TMPRSS11D: variants seen among roughly 807,000 people sequenced by gnomAD.
TMPRSS11D encodes the protein transmembrane serine protease 11D.
In TMPRSS11D, 32 loss-of-function variants were observed where a neutral mutation model predicts 44.4. The observed-to-expected ratio is 0.72, with a 90% CI of 0.54 to 0.97. TMPRSS11D has a LOEUF of 0.97. TMPRSS11D is among the 50% of genes least tolerant of loss of function. TMPRSS11D has a pLI of 0.00. For missense variants in TMPRSS11D, 446 were observed against 502.6 expected, an observed-to-expected ratio of 0.89 and a Z score of 1.08; for synonymous variants, 179 against 177.9, an observed-to-expected ratio of 1.01 and a Z score of -0.05.
intron 2 of TMPRSS11D, among the ~76,000 whole-genome samples, chr4:67,857,562 G>A (rs774984743): frequency 3.4e-4 from 51 of 151,642 alleles, no homozygotes; most frequent in Non-Finnish European, 5.5e-4. Context: ...ATTTGAGACC[G>A]GCCTGGGCAA....
intron 5 of TMPRSS11D, among the ~76,000 whole-genome samples, chr4:67,835,751 A>C (rs1461333065): frequency 1.3e-5 from 2 of 152,166 alleles, no homozygotes; most frequent in Non-Finnish European, 2.9e-5. Context: ...ATCTGAAAGG[A>C]ATTTTTCAGG....
intron 3 of TMPRSS11D, among the ~76,000 whole-genome samples, chr4:67,846,017 T>TATAGC (rs1271810812): frequency 5.3e-5 from 8 of 152,210 alleles, no homozygotes; most frequent in Non-Finnish European, 1.2e-4. Flanking sequence ...ACTTGATAGT[T>TATAGC]ATAGCTTTGC....
chr4:67,873,777 CA>C (rs1400432192), intron 1 of TMPRSS11D, among the ~76,000 whole-genome samples: 1 of 152,010 alleles, frequency 6.6e-6, no homozygotes, highest in African/African-American at 2.4e-5. Context: ...GTTCTAGATA[CA>C]ATTACATTAG....
intron 8 of TMPRSS11D, among the ~76,000 whole-genome samples, 167 bp downstream of exon 8, chr4:67,827,094 G>C (rs1434541341): frequency 1.3e-5 from 2 of 152,114 alleles, no homozygotes; most frequent in Non-Finnish European, 2.9e-5. Context: ...GCTTTGCTTT[G>C]CTAAGGAGAC....
chr4:67,848,828 C>T (rs947761952), intron 3 of TMPRSS11D, among the ~76,000 whole-genome samples: 15 of 152,284 alleles, frequency 9.9e-5, no homozygotes, highest in South Asian at 2.1e-4. Context: ...CCAATCATGC[C>T]GGTCTTCGAA....
Position 67,821,424 on chromosome 4 carries a change from C to T in TMPRSS11D, c.*913G>A, listed in dbSNP as rs890599627. ...TTACTTAGATTTAGCGTTTGACGAC[C>T]CTTTTACGCTCAAAAATATAACTGC... is the stretch of plus-strand genomic sequence containing the variant. On this transcript the variant is annotated 3_prime_UTR_variant, in exon 10 of 10. Coordinates refer to ENST00000283916, the MANE Select transcript of TMPRSS11D (RefSeq NM_004262.3). 2 of 152,074 alleles carry T rather than the reference C, an allele frequency of 1.3e-5. No homozygotes were observed. The highest frequency in any genetic ancestry group is 4.8e-5 in the African/African-American group (2 of 41,398). 9.4% of individuals were successfully genotyped at this position (152,074 alleles called of 1,614,324 possible). A position where few individuals can be genotyped will look rare whatever the true frequency, so the allele number is the denominator to read the frequency against.
intron 2 of TMPRSS11D, among the ~76,000 whole-genome samples, chr4:67,857,643 G>A (rs1027835754): frequency 5.9e-5 from 9 of 152,188 alleles, no homozygotes; most frequent in Admixed American, 4.6e-4. Flanking sequence ...TAACTCATAT[G>A]TGGGAGCTTA....
intron 4 of TMPRSS11D, 146 bp from the exon 5 acceptor site, chr4:67,838,475 C>T (rs757082688): frequency 3.7e-5 from 25 of 678,882 alleles, no homozygotes; most frequent in Non-Finnish European, 4.7e-5. Context: ...TGTTTGCATA[C>T]GTAATACTAT....
Position 67,836,829 on chromosome 4 carries a change from G to A in TMPRSS11D, c.475+1343C>T, listed in dbSNP as rs151112222. 3.3e-5 allele frequency among the ~76,000 whole-genome samples: 5 copies of A among 152,272 alleles called. No homozygotes were observed. In the East Asian group the frequency reaches 9.6e-4, roughly 29 times the overall value. On this transcript the variant is annotated intron_variant, in intron 5 of 9. Coordinates refer to ENST00000283916, the MANE Select transcript of TMPRSS11D (RefSeq NM_004262.3). ...TCCCTTTCTTCATTATTCTGTCAAA[G>A]CATCGCGTTCAGTACAGACTGTTTG...
intron 2 of TMPRSS11D, among the ~76,000 whole-genome samples, chr4:67,857,597 C>T (rs543218425): frequency 5.2e-4 from 78 of 151,358 alleles, no homozygotes; most frequent in Non-Finnish European, 1.0e-3. Context: ...ATCTCTACTA[C>T]TAAAAAAAGA....
chr4:67,859,424 G>C (rs1417544341), intron 2 of TMPRSS11D, 133 bp downstream of exon 2: 6 of 1,080,348 alleles, frequency 5.6e-6, no homozygotes, highest in Non-Finnish European at 7.7e-6. Flanking sequence ...ATTTGGGGAA[G>C]AATTATAAGT....
intron 3 of TMPRSS11D, among the ~76,000 whole-genome samples, chr4:67,846,870 A>G (rs1221580580): frequency 6.6e-6 from 1 of 151,850 alleles, no homozygotes; most frequent in Non-Finnish European, 1.5e-5. Context: ...ACATATTTTC[A>G]TAGTCTTCTC....
At chr4:67,845,092 A>C (rs200805796) in intron 3 of TMPRSS11D, among the ~76,000 whole-genome samples, 2 of 152,338 alleles carry the variant, frequency 1.3e-5, no homozygotes, top group African/African-American at 4.8e-5. Flanking sequence ...ACTGGACTAA[A>C]ATGTTAAGTA....
chr4:67,857,305 AT>A (rs376216399), intron 2 of TMPRSS11D, among the ~76,000 whole-genome samples: 1 of 926 alleles, frequency 1.1e-3, no homozygotes, highest in Non-Finnish European at 2.8e-3. Flanking sequence ...ATATATATAT[AT>A]ATATATATAT....
chr4:67,872,085 G>GC (rs1719073695), intron 1 of TMPRSS11D, among the ~76,000 whole-genome samples: 1 of 152,034 alleles, frequency 6.6e-6, no homozygotes, highest in African/African-American at 2.4e-5. Context: ...GGGCACTGCT[G>GC]TTCAATGTTA....
At chr4:67,856,109 A>T in intron 2 of TMPRSS11D, among the ~76,000 whole-genome samples, 1 of 152,160 alleles carries the variant, frequency 6.6e-6, no homozygotes, top group East Asian at 1.9e-4. Context: ...AAATACCAAC[A>T]TCACTTTTCA....
In TMPRSS11D at chr4:67,822,232, A is replaced by G. The variant is rs1717660462; in HGVS notation, c.*105T>C. ...AACCATATTTATGTAACAAGATGTT[A>G]AATTAGGACATTTCTAGTTTCTTTT... On this transcript the variant is annotated 3_prime_UTR_variant, in exon 10 of 10. Transcript: ENST00000283916. The G allele has an allele frequency of 8.0e-7, 1 of 1,255,022 alleles. No homozygotes were observed. The highest frequency in any genetic ancestry group is 1.4e-5 in the South Asian group (1 of 69,072). The allele number at this position is 1,255,022 out of a possible 1,614,324, so 77.7% of individuals were successfully genotyped here.
At position 67,833,212 on chromosome 4, in the gene TMPRSS11D, G is replaced by A; in HGVS notation, c.684C>T (p.Cys228=). The change falls in exon 7 of 10, where the codon TGC becomes TGT. Residue 228 remains cysteine, a synonymous_variant. Transcript: ENST00000283916. ...GGTAGTGGTGGCCTCACCTTCTGAA[G>A]CAGTGAGCTGCTGTCAGGATCCACA... ...NNMWILTAAH[C]FRSNSNPRDW... The A allele has an allele frequency of 2.0e-6, 3 of 1,490,810 alleles. No homozygotes were observed. The highest frequency in any genetic ancestry group is 1.8e-6 in the Non-Finnish European group (2 of 1,117,360). The allele number at this position is 1,490,810 out of a possible 1,614,324, so 92.3% of individuals were successfully genotyped here.
Position 67,827,506 on chromosome 4 carries a change from C to T in TMPRSS11D, c.707G>A (p.Arg236His), listed in dbSNP as rs145436844. Residue 236 changes from arginine (R) to histidine (H), a missense_variant, in exon 8 of 10, where the codon CGT becomes CAT. Physicochemically the swap from Arg to His is conservative, Grantham distance 29. Coordinates refer to ENST00000283916, the MANE Select transcript of TMPRSS11D (RefSeq NM_004262.3). ...AATACCAGACGTGGCAATCCAGTCACGAGGATTAGAGTTGCTAAAACATTA... is the reference window on the plus strand; with the variant it reads ...AATACCAGACGTGGCAATCCAGTCATGAGGATTAGAGTTGCTAAAACATTA... The part of the protein sequence containing the change: ...AHCFRSNSNP[R>H]DWIATSGIST... 1.5e-4 allele frequency: 245 copies of T among 1,602,776 alleles called. No individual in the cohort carries two copies. The highest frequency in any genetic ancestry group is 1.0e-3 in the African/African-American group (76 of 74,742).
Sources: allele counts gnomAD v4.1 joint callset (sites outside exome capture counted in the v4.1 genomes callset), GRCh38; gene constraint gnomAD v4.1.1; transcripts MANE v1.5; gene names NCBI Gene and HGNC (gene_info 2026-07-23, HGNC 2026-07-21).